The following MLLT3 variants were observed in gnomAD, a reference collection of about 807,000 sequenced individuals.
MLLT3 encodes MLLT3 super elongation complex subunit, also known as protein AF-9.
In MLLT3, 4 loss-of-function variants were observed where a neutral mutation model predicts 53.2. The observed-to-expected ratio is 0.08, with a 90% CI of 0.04 to 0.17. The LOEUF (loss-of-function observed/expected upper bound fraction) is 0.17. Ranked by LOEUF, MLLT3 falls within the 10% of genes least tolerant of loss-of-function variation. MLLT3 has a pLI of 1.00. For synonymous variants in MLLT3, 283 were observed against 230.6 expected, an observed-to-expected ratio of 1.23 and a Z score of -2.06; for missense variants, 569 against 684.0, an observed-to-expected ratio of 0.83 and a Z score of 1.87.
At chr9:20,464,095 C>CA (rs1281992980) in intron 2 of MLLT3, among the ~76,000 whole-genome samples, 1 of 151,666 alleles carries the variant, frequency 6.6e-6, no homozygotes, top group Non-Finnish European at 1.5e-5. Flanking sequence ...AACCTTGGGA[C>CA]AGCCCTCTGG....
chr9:20,517,967 G>A (rs537266727), intron 2 of MLLT3, among the ~76,000 whole-genome samples: 2 of 152,308 alleles, frequency 1.3e-5, no homozygotes, highest in East Asian at 1.9e-4. Flanking sequence ...CAAAGTTGGC[G>A]TAATTTAAAC....
chr9:20,542,831 G>A (rs1157429516), intron 2 of MLLT3, among the ~76,000 whole-genome samples: 1 of 152,172 alleles, frequency 6.6e-6, no homozygotes, highest in Non-Finnish European at 1.5e-5. Flanking sequence ...AAAGCTGTTT[G>A]GTTTACATTG....
chr9:20,551,864 C>T (rs1818933683), intron 2 of MLLT3, among the ~76,000 whole-genome samples: 2 of 152,174 alleles, frequency 1.3e-5, no homozygotes, highest in South Asian at 4.1e-4. Context: ...ATTTATGCAG[C>T]AGTAGACTTT....
rs551950420 is a variant in MLLT3, at chr9:20,493,364, C to T, written c.194-36578G>A. On this transcript the variant is annotated intron_variant, in intron 2 of 10. Coordinates refer to ENST00000380338, the MANE Select transcript of MLLT3 (RefSeq NM_004529.4). The stretch of plus-strand genomic sequence containing the variant: ...ATAGAACCAGGTTAATCTGACCTAT[C>T]CAACTCCAGCTTAGCTTTTAACACC... 2.0e-5 allele frequency among the ~76,000 whole-genome samples: 3 copies of T among 152,090 alleles called. No homozygotes were observed. The South Asian group carries it at 6.2e-4, about 32-fold the overall frequency.
In MLLT3 at chr9:20,615,492, G is replaced by A. The variant is rs566660999; in HGVS notation, c.193+5162C>T. Among the ~76,000 whole-genome samples the A allele has an allele frequency of 8.0e-5, 12 of 150,676 alleles. No homozygotes were observed. In the East Asian group the frequency reaches 1.6e-3, roughly 20 times the overall value. On this transcript the variant is annotated intron_variant, in intron 2 of 10. Coordinates refer to ENST00000380338, the MANE Select transcript of MLLT3 (RefSeq NM_004529.4). ...CAATTTTGTTAGGTAATCATTCACC[G>A]GAATTTAATGAGGCAAATACCTTGG...
In MLLT3 at chr9:20,365,654, A is replaced by G. The variant is rs1317817791; in HGVS notation, c.1201+15T>C. On this transcript the variant is annotated intron_variant, in intron 6 of 10. Transcript: ENST00000380338. ...ATGAGAAAAGCATCTCCTAGTTTGC[A>G]TGAGATGTTGATACCTTGTTGCCTG... is the stretch of plus-strand genomic sequence containing the variant. 3.1e-6 allele frequency: 5 copies of G among 1,614,174 alleles called. No individual in the cohort carries two copies. Among genetic ancestry groups the G allele is most frequent in the Admixed American group, 1.7e-5 (1 of 60,022 alleles).
chr9:20,497,108 T>C (rs762827605), intron 2 of MLLT3, among the ~76,000 whole-genome samples: 1 of 152,252 alleles, frequency 6.6e-6, no homozygotes, highest in South Asian at 2.1e-4. Flanking sequence ...TAGATTTAAA[T>C]GGTTTCTTGT....
chr9:20,566,742 CAT>C (rs1472306276), intron 2 of MLLT3, among the ~76,000 whole-genome samples: 1 of 152,064 alleles, frequency 6.6e-6, no homozygotes, highest in Non-Finnish European at 1.5e-5. Context: ...AGGAGAAACA[CAT>C]GTCTGTGTCC....
intron 2 of MLLT3, among the ~76,000 whole-genome samples, chr9:20,471,216 T>A (rs1215378705): frequency 6.6e-6 from 1 of 152,054 alleles, no homozygotes; most frequent in African/African-American, 2.4e-5. Flanking sequence ...ATATGAAAAG[T>A]ATTTTTTTCT....
intron 5 of MLLT3, among the ~76,000 whole-genome samples, chr9:20,374,168 A>C (rs1371668930): frequency 6.6e-6 from 1 of 152,224 alleles, no homozygotes; most frequent in Non-Finnish European, 1.5e-5. Context: ...AGATTGTTTG[A>C]AGCCAGGAGT....
chr9:20,573,568 G>A (rs917328199), intron 2 of MLLT3, among the ~76,000 whole-genome samples: 5 of 152,134 alleles, frequency 3.3e-5, no homozygotes, highest in Admixed American at 6.6e-5. Context: ...TAAAGAAAAT[G>A]CAAATAAAGT....
At chr9:20,531,933 A>C (rs563938478) in intron 2 of MLLT3, among the ~76,000 whole-genome samples, 1 of 152,162 alleles carries the variant, frequency 6.6e-6, no homozygotes, top group African/African-American at 2.4e-5. Flanking sequence ...GGAAAAGCTA[A>C]AAATTTTCAT....
intron 2 of MLLT3, among the ~76,000 whole-genome samples, chr9:20,599,451 A>G: frequency 9.2e-6 from 1 of 109,256 alleles, no homozygotes; most frequent in African/African-American, 3.2e-5. Flanking sequence ...ATTAGTAACC[A>G]GATGTTTAAA....
chr9:20,405,135 G>C (rs1481440270), intron 5 of MLLT3, among the ~76,000 whole-genome samples: 1 of 152,028 alleles, frequency 6.6e-6, no homozygotes, highest in Non-Finnish European at 1.5e-5. Flanking sequence ...AATAACATTA[G>C]GGAAAAGTTC....
At chr9:20,508,284 C>T (rs1318878682) in intron 2 of MLLT3, among the ~76,000 whole-genome samples, 1 of 152,178 alleles carries the variant, frequency 6.6e-6, no homozygotes, top group South Asian at 2.1e-4. Flanking sequence ...CGCCCTTCCC[C>T]TTTTATAAAG....
At chr9:20,531,405 G>A (rs1267246642) in intron 2 of MLLT3, among the ~76,000 whole-genome samples, 1 of 151,982 alleles carries the variant, frequency 6.6e-6, no homozygotes, top group East Asian at 1.9e-4. Context: ...CACAGTGCTG[G>A]GATTACAGGT....
intron 5 of MLLT3, among the ~76,000 whole-genome samples, chr9:20,379,515 T>TA (rs1176579378): frequency 6.6e-6 from 1 of 152,082 alleles, no homozygotes; most frequent in East Asian, 1.9e-4. Flanking sequence ...AGTAAGACTT[T>TA]AATCATTTGA....
chr9:20,423,437 A>T (rs1823065199), intron 4 of MLLT3, among the ~76,000 whole-genome samples: 1 of 152,104 alleles, frequency 6.6e-6, no homozygotes, highest in African/African-American at 2.4e-5. Flanking sequence ...TTGGCAGGTG[A>T]TTAAAAAATG....
rs552516659 is a variant in MLLT3, at chr9:20,620,154, G to A, written c.193+500C>T. Among the ~76,000 whole-genome samples the A allele has an allele frequency of 6.6e-6, 1 of 152,040 alleles. No homozygotes were observed. The highest frequency in any genetic ancestry group is 2.1e-4 in the South Asian group (1 of 4,804). On this transcript the variant is annotated intron_variant, in intron 2 of 10. Transcript: ENST00000380338. The surrounding 1 kb of genome is among the most constrained non-coding windows in gnomAD (Gnocchi z 6.1). ...CCTCATACACAGACAGGAAAGCACA[G>A]AAGACCCTAAAGAGAACCGACTTGC...
Sources: gnomAD v4.1 joint callset for allele counts (sites outside exome capture counted in the v4.1 genomes callset) on GRCh38, gnomAD v4.1.1 for gene constraint, Gnocchi (gnomAD v3.1) non-coding constraint, MANE v1.5 for transcripts, NCBI Gene and HGNC (gene_info 2026-07-23, HGNC 2026-07-21) for gene names.